The following SYNE2 variants were observed in gnomAD, a reference collection of about 807,000 sequenced individuals.
SYNE2 encodes the protein nesprin-2.
Under a neutral mutation model 856.3 loss-of-function variants are expected in SYNE2, and 431 were observed. The observed-to-expected ratio is 0.50, with a 90% CI of 0.47 to 0.55. SYNE2 has a LOEUF of 0.55. Among genes scored for constraint, SYNE2 ranks in the 20% least tolerant of loss-of-function variants. The pLI is 0.00. For missense variants in SYNE2, 8,129 were observed against 8,023.2 expected, an observed-to-expected ratio of 1.01 and a Z score of -0.50; for synonymous variants, 2,923 against 2,872.3, an observed-to-expected ratio of 1.02 and a Z score of -0.56.
At chr14:64,026,888 A>G (rs1463500115) in intron 42 of SYNE2, among the ~76,000 whole-genome samples, 158 bp downstream of exon 42, 2 of 152,226 alleles carry the variant, frequency 1.3e-5, no homozygotes, top group African/African-American at 2.4e-5. Context: ...AGAAACCAAA[A>G]CCAGATAACC....
chr14:64,001,421 C>G (rs1451708205), intron 28 of SYNE2, among the ~76,000 whole-genome samples: 1 of 152,154 alleles, frequency 6.6e-6, no homozygotes, highest in African/African-American at 2.4e-5. Flanking sequence ...ACTGTGGCTC[C>G]TGCCCATAAT....
chr14:63,773,539 T>C (rs1313681714), intron 1 of SYNE2, among the ~76,000 whole-genome samples: 1 of 152,064 alleles, frequency 6.6e-6, no homozygotes, highest in Non-Finnish European at 1.5e-5. Context: ...TTAAAATAAG[T>C]TTTTTCTTTG....
chr14:64,170,220 T>C lies in SYNE2; in HGVS notation c.17001-8T>C, dbSNP rs768210935. ...GTCTGGATTCTATAACCATTTGTTT[T>C]TCCCCAGACCAGAATTTATTACAGA... On this transcript the variant is annotated splice_region_variant and splice_polypyrimidine_tract_variant and intron_variant, in intron 93 of 115. Transcript: ENST00000555002. 3 of 1,613,138 alleles carry C rather than the reference T, an allele frequency of 1.9e-6. No individual in the cohort carries two copies. The highest frequency in any genetic ancestry group is 1.7e-6 in the Non-Finnish European group (2 of 1,179,750).
chr14:63,974,892 G>GTGTGTGTGTATATATATATATATATA (rs1375697679), intron 11 of SYNE2, among the ~76,000 whole-genome samples: 4 of 67,328 alleles, frequency 5.9e-5, no homozygotes, highest in African/African-American at 1.3e-4. Flanking sequence ...GTGTGTGTGT[G>GTGTGTGTGTATATATATATATATATA]TATATATATA....
Position 64,208,747 on chromosome 14 carries a change from T to G in SYNE2, c.18202-11T>G. On this transcript the variant is annotated splice_polypyrimidine_tract_variant and intron_variant, in intron 100 of 115. Coordinates refer to ENST00000555002, the MANE Select transcript of SYNE2 (RefSeq NM_182914.3). ...CATCTCAAGAGGTTTCTTACTCTGTTGTAATCACAGGATCTACAGCGAGAT... is the reference window on the plus strand; with the variant it reads ...CATCTCAAGAGGTTTCTTACTCTGTGGTAATCACAGGATCTACAGCGAGAT... 6.2e-7 allele frequency: 1 copy of G among 1,614,196 alleles called. No homozygotes were observed. The highest frequency in any genetic ancestry group is 8.5e-7 in the Non-Finnish European group (1 of 1,180,024).
chr14:63,789,814 G>A (rs915940437), intron 1 of SYNE2, among the ~76,000 whole-genome samples: 3 of 151,874 alleles, frequency 2.0e-5, no homozygotes, highest in Non-Finnish European at 4.4e-5. Flanking sequence ...CTAAACTAAG[G>A]AGACCTCACC....
At chr14:64,057,559 A>G (rs1247696329) in intron 49 of SYNE2, among the ~76,000 whole-genome samples, 1 of 152,106 alleles carries the variant, frequency 6.6e-6, no homozygotes, top group Non-Finnish European at 1.5e-5. Flanking sequence ...AATCTTGACT[A>G]TTGTGAATAA....
rs1483106970 is a variant in SYNE2, at chr14:64,158,712, A to G, written c.15880A>G (p.Ile5294Val). The G allele has an allele frequency of 2.5e-6, 4 of 1,614,002 alleles. No homozygotes were observed. Among genetic ancestry groups the G allele is most frequent in the East Asian group, 4.5e-5 (2 of 44,878 alleles). The change falls in exon 86 of 116, where the codon ATC becomes GTC. Residue 5294 changes from isoleucine (I) to valine (V), a missense_variant. This residue lies in a region of SYNE2 where 5,410 missense variants were observed against 5,284.8 expected (regional missense o/e 1.02). Transcript: ENST00000555002. ...QLYDEVNMMT[I>V]RFWYCMEHSK... ...CTATGATGAAGTGAATATGATGACAATCCGATTCTGGTACTGCATGGAACA... is the reference window on the plus strand; with the variant it reads ...CTATGATGAAGTGAATATGATGACAGTCCGATTCTGGTACTGCATGGAACA...
intron 99 of SYNE2, among the ~76,000 whole-genome samples, chr14:64,201,817 A>G (rs2098568793): frequency 6.6e-6 from 1 of 152,142 alleles, no homozygotes; most frequent in South Asian, 2.1e-4. Context: ...TCCCAACGTA[A>G]GTATTGATAA....
At chr14:64,210,208 G>T (rs1298882691) in intron 103 of SYNE2, 84 bp downstream of exon 103, 3 of 1,495,962 alleles carry the variant, frequency 2.0e-6, no homozygotes, top group African/African-American at 2.8e-5. Context: ...GTGGCACAAA[G>T]CAGCAGGTAG....
At chr14:63,874,545 C>G (rs2094670866) in intron 1 of SYNE2, among the ~76,000 whole-genome samples, 1 of 152,216 alleles carries the variant, frequency 6.6e-6, no homozygotes, top group Non-Finnish European at 1.5e-5. Flanking sequence ...TTGCCACTAA[C>G]TAGCCTTGTC....
In SYNE2 at chr14:64,208,941, A is replaced by G. The variant is rs766731181; in HGVS notation, c.18385A>G (p.Met6129Val). The G allele has an allele frequency of 5.6e-6, 9 of 1,613,852 alleles. No homozygotes were observed. Among genetic ancestry groups the G allele is most frequent in the Middle Eastern group, 1.7e-4 (1 of 6,058 alleles). Residue 6129 changes from methionine to valine, a missense_variant, in exon 101 of 116, where the codon ATG becomes GTG. Around this residue, in one of 3 missense-constraint regions of SYNE2, gnomAD observed 5,410 missense variants for 5,284.8 expected, o/e 1.02. Coordinates refer to ENST00000555002, the MANE Select transcript of SYNE2 (RefSeq NM_182914.3). ...NICAMSMERRMKIEETWRLWQ... is the reference protein window; with the variant it reads ...NICAMSMERRVKIEETWRLWQ... ...TTGTGCCATGTCCATGGAGCGGCGC[A>G]TGAAGTAAGAACTAAGCTCCCCCAA...
intron 1 of SYNE2, among the ~76,000 whole-genome samples, chr14:63,866,124 A>G (rs1327208065): frequency 6.6e-6 from 1 of 152,220 alleles, no homozygotes; most frequent in African/African-American, 2.4e-5. Context: ...TTCTCAACCA[A>G]CAAGAAACAC....
At chr14:63,835,366 T>C (rs1889813727) in intron 1 of SYNE2, among the ~76,000 whole-genome samples, 1 of 152,094 alleles carries the variant, frequency 6.6e-6, no homozygotes. Context: ...CCTGAGTAGC[T>C]GGGATTAAGG....
At chr14:63,952,955 G>A (rs2775002) in intron 7 of SYNE2, among the ~76,000 whole-genome samples, 102,860 of 151,718 alleles carry the variant, frequency 0.68, 35,091 homozygotes, top group South Asian at 0.76. Flanking sequence ...GCAGACAACT[G>A]TACTCTTTTG....
rs2095337035 is a variant in SYNE2 at position 63,901,540 on chromosome 14, A to C, written c.-51-7558A>C. 2.6e-5 allele frequency among the ~76,000 whole-genome samples: 4 copies of C among 152,230 alleles called. No individual in the cohort carries two copies. The South Asian group carries it at 8.3e-4, about 32-fold the overall frequency. Reference sequence around the variant, plus strand: ...GTTGAAAAAAACCAGAGTAAATGCCAAGATTTCTTTAAAAAAGGGAAACTC... The same window carrying C: ...GTTGAAAAAAACCAGAGTAAATGCCCAGATTTCTTTAAAAAAGGGAAACTC... On this transcript the variant is annotated intron_variant, in intron 1 of 115. Coordinates refer to ENST00000555002, the MANE Select transcript of SYNE2 (RefSeq NM_182914.3).
In SYNE2 at chr14:64,016,830, A is replaced by G. The variant is rs542476672; in HGVS notation, c.4887+199A>G. Reference sequence around the variant, plus strand: ...CATCATCTTGTACATATAGAAATACATACTTGGCTTTTTAAAAATAAGTTC... The same window carrying G: ...CATCATCTTGTACATATAGAAATACGTACTTGGCTTTTTAAAAATAAGTTC... On this transcript the variant is annotated intron_variant, in intron 33 of 115. Transcript: ENST00000555002. Among the ~76,000 whole-genome samples the G allele has an allele frequency of 9.6e-4, 147 of 152,350 alleles. 3 individuals are homozygous for G. The South Asian group carries it at 0.026, about 27-fold the overall frequency.
Position 64,215,365 on chromosome 14 carries a change from G to A in SYNE2, c.19402+11G>A, listed in dbSNP as rs1567670215. ...TGAAAGCGTCTTCTGGTAGGCCCCC[G>A]CCCATGCATGTGTCAACATGGCAGC... On this transcript the variant is annotated intron_variant, in intron 107 of 115. Transcript: ENST00000555002. The A allele has an allele frequency of 1.2e-5, 20 of 1,613,502 alleles. No homozygotes were observed. Among genetic ancestry groups the A allele is most frequent in the Middle Eastern group, 1.6e-4 (1 of 6,084 alleles).
chr14:63,909,613 G>A (rs764009704), intron 2 of SYNE2, among the ~76,000 whole-genome samples: 12 of 152,084 alleles, frequency 7.9e-5, no homozygotes, highest in Admixed American at 2.6e-4. Flanking sequence ...AGGCCGAGGC[G>A]GGCGGATCAC....
Sources: allele counts gnomAD v4.1 joint callset (sites outside exome capture counted in the v4.1 genomes callset), GRCh38; gene constraint gnomAD v4.1.1; regional missense constraint gnomAD v4.1.1; transcripts MANE v1.5; gene names NCBI Gene and HGNC (gene_info 2026-07-23, HGNC 2026-07-21).